Variants in UNC80 observed in about 807,000 individuals in gnomAD.
UNC80 encodes unc-80 subunit of NALCN channel complex.
UNC80 carries 164 observed loss-of-function variants against 384.6 expected under a neutral mutation model. The ratio of observed to expected loss-of-function variants is 0.43; its 90% CI spans 0.38 to 0.49. The LOEUF (loss-of-function observed/expected upper bound fraction) is 0.49, where lower values mean the gene tolerates loss of function less well. Ranked by LOEUF, UNC80 falls within the 20% of genes least tolerant of loss-of-function variation. The pLI, the probability that UNC80 is intolerant of heterozygous loss-of-function variation, is 0.00. For synonymous variants in UNC80, 1,486 were observed against 1,527.8 expected (o/e 0.97, Z 0.64); for missense variants, 3,330 against 4,143.0 (o/e 0.80, Z 5.39).
intron 22 of UNC80, among the ~76,000 whole-genome samples, chr2:209,866,963 A>G (rs1349487787): frequency 1.3e-5 from 2 of 152,216 alleles, no homozygotes; most frequent in African/African-American, 2.4e-5. Flanking sequence ...ATTTTGATAT[A>G]TGTATACAAT....
At chr2:209,921,816 GC>G (rs1471549555) in intron 34 of UNC80, 130 bp downstream of exon 34, 3 of 1,122,578 alleles carry the variant, frequency 2.7e-6, no homozygotes, top group Non-Finnish European at 3.7e-6. Flanking sequence ...ACTTCCTGAC[GC>G]TAACCAAAGA....
intron 7 of UNC80, chr2:209,809,300 A>T (rs1365414692): frequency 4.0e-6 from 3 of 757,876 alleles, no homozygotes; most frequent in Admixed American, 3.6e-5. Flanking sequence ...CTCAAGAAAC[A>T]CATCCGAAGC....
chr2:209,832,418 C>T (rs1018138061), intron 16 of UNC80, among the ~76,000 whole-genome samples: 1 of 152,064 alleles, frequency 6.6e-6, no homozygotes, highest in African/African-American at 2.4e-5. Context: ...ATTCAGGTAT[C>T]TTTGGGAGGC....
At chr2:209,809,615 A>G (rs973397534) in intron 7 of UNC80, 7 of 658,594 alleles carry the variant, frequency 1.1e-5, no homozygotes, top group Non-Finnish European at 1.8e-5. Context: ...CCTACCAGAC[A>G]CCCTGCCCCC....
intron 39 of UNC80, among the ~76,000 whole-genome samples, chr2:209,934,630 C>T (rs557039774): frequency 5.9e-5 from 9 of 152,122 alleles, no homozygotes; most frequent in South Asian, 4.1e-4. Flanking sequence ...CACAGGTTCT[C>T]GCAGCAAAAA....
chr2:209,822,563 A>G (rs991979267), intron 13 of UNC80, among the ~76,000 whole-genome samples: 2 of 152,200 alleles, frequency 1.3e-5, no homozygotes, highest in African/African-American at 4.8e-5. Flanking sequence ...GAAACCAAAA[A>G]AAAGAGAATA....
At chr2:209,772,440 G>A (rs901033853) in intron 1 of UNC80, among the ~76,000 whole-genome samples, 2 of 152,054 alleles carry the variant, frequency 1.3e-5, no homozygotes, top group African/African-American at 4.8e-5. Flanking sequence ...AGAGAGCCTG[G>A]GAAGAGGGGG....
At position 209,894,206 on chromosome 2, in the gene UNC80, G is replaced by C; in HGVS notation, c.4320G>C (p.Gln1440His). 1 of 985,446 alleles carries C rather than the reference G, an allele frequency of 1.0e-6. No homozygotes were observed. The allele number at this position is 985,446 out of a possible 1,614,324, so 61.0% of individuals were successfully genotyped here. A position where few individuals can be genotyped will look rare whatever the true frequency, so the allele number is the denominator to read the frequency against. Reference protein sequence around the residue: ...KIRIGGSRLLQIKGTRSFQVK... With the variant: ...KIRIGGSRLLHIKGTRSFQVK... ...GGATAGGAGGTTCTCGCCTGCTCCA[G>C]ATTAAAGGAACCCGCAGTTTCCAGG... Residue 1440 changes from glutamine to histidine, a missense_variant, in exon 27 of 65, where the codon CAG becomes CAC. Around this residue, in one of 8 missense-constraint regions of UNC80, gnomAD observed 801 missense variants for 950.8 expected, o/e 0.84. Transcript: ENST00000673920.
At chr2:209,950,345 A>C (rs981948228) in intron 47 of UNC80, among the ~76,000 whole-genome samples, 1 of 151,984 alleles carries the variant, frequency 6.6e-6, no homozygotes, top group Non-Finnish European at 1.5e-5. Flanking sequence ...TAAAAAAAAA[A>C]TTTTAATGAC....
intron 49 of UNC80, among the ~76,000 whole-genome samples, chr2:209,958,767 C>A (rs960960675): frequency 1.3e-5 from 2 of 152,128 alleles, no homozygotes; most frequent in African/African-American, 4.8e-5. Flanking sequence ...ATTCTCCTTC[C>A]TGTCACTTAA....
In UNC80 at chr2:209,870,757, A is replaced by ATC. The variant is rs761952666; in HGVS notation, c.3628-2000_3628-1999dup. Among the ~76,000 whole-genome samples, 4 of 152,214 alleles carry ATC rather than the reference A, an allele frequency of 2.6e-5. 1 individual carries two copies. In the South Asian group the frequency reaches 8.3e-4, roughly 32 times the overall value. On this transcript the variant is annotated intron_variant, in intron 22 of 64. Transcript: ENST00000673920. ...AGGCTTAAGGAACTAACTTACTTGA[A>ATC]TCATCCAGTGTGTTTGGGATACTTT... is the stretch of plus-strand genomic sequence containing the variant.
At chr2:209,842,243 G>A (rs1382174391) in intron 20 of UNC80, 107 bp from the exon 21 acceptor site, 1 of 796,418 alleles carries the variant, frequency 1.3e-6, no homozygotes, top group East Asian at 2.7e-5. Context: ...CAAAGTAATA[G>A]TATGAAAATG....
Position 209,929,851 on chromosome 2 carries a change from ACTTT to A in UNC80, c.5807-13_5807-10del, listed in dbSNP as rs2090717170. 3.4e-6 allele frequency: 5 copies of A among 1,486,706 alleles called. No homozygotes were observed. Among genetic ancestry groups the A allele is most frequent in the East Asian group, 5.2e-5 (2 of 38,426 alleles). The allele number at this position is 1,486,706 out of a possible 1,614,324, so 92.1% of individuals were successfully genotyped here. Reference sequence around the variant, plus strand: ...TAACTCCATTAAAGACAAATGTTCAACTTTCTTTCTCTTCTGAAGTGAGTGCTGT... The same window carrying A: ...TAACTCCATTAAAGACAAATGTTCAACTTTCTCTTCTGAAGTGAGTGCTGT... On this transcript the variant is annotated splice_polypyrimidine_tract_variant and intron_variant, in intron 36 of 64. Coordinates refer to ENST00000673920, the MANE Select transcript of UNC80 (RefSeq NM_001371986.1).
chr2:209,954,488 G>A (rs2092325688), intron 48 of UNC80: 1 of 362,450 alleles, frequency 2.8e-6, no homozygotes, highest in African/African-American at 2.1e-5. Context: ...TATAATAATA[G>A]TAATAATATT....
chr2:209,873,700 CA>C (rs1157768482), intron 23 of UNC80, among the ~76,000 whole-genome samples: 8 of 152,138 alleles, frequency 5.3e-5, no homozygotes, highest in Admixed American at 5.2e-4. Flanking sequence ...AAAGAGGTTC[CA>C]TATATTCCTC....
At chr2:209,884,411 T>C (rs2124901488) in intron 25 of UNC80, among the ~76,000 whole-genome samples, 1 of 152,336 alleles carries the variant, frequency 6.6e-6, no homozygotes, top group South Asian at 2.1e-4. Flanking sequence ...TTGTGCAATA[T>C]TGTGCTAGAG....
chr2:209,841,474 G>A (rs1017325432), intron 20 of UNC80, among the ~76,000 whole-genome samples: 14 of 152,070 alleles, frequency 9.2e-5, no homozygotes, highest in African/African-American at 3.4e-4. Context: ...TCCTGCCTCA[G>A]CCTCCCGAGT....
chr2:209,841,164 T>C (rs1349715739), intron 20 of UNC80, among the ~76,000 whole-genome samples: 3 of 152,220 alleles, frequency 2.0e-5, no homozygotes, highest in African/African-American at 7.2e-5. Context: ...AGGTTTCTTC[T>C]GAGAGTCCAC....
chr2:209,834,254 C>A, intron 17 of UNC80, 86 bp downstream of exon 17: 1 of 1,402,006 alleles, frequency 7.1e-7, no homozygotes, highest in Admixed American at 2.2e-5. Flanking sequence ...GGTTCCTGTG[C>A]TGAAATGTCA....
Sources: allele counts gnomAD v4.1 joint callset (sites outside exome capture counted in the v4.1 genomes callset), GRCh38; gene constraint gnomAD v4.1.1; regional missense constraint gnomAD v4.1.1; transcripts MANE v1.5; gene names NCBI Gene and HGNC (gene_info 2026-07-23, HGNC 2026-07-21).